Variants in RESF1 observed in about 807,000 individuals in gnomAD.
RESF1 encodes the protein gonad expressed transcript.
In RESF1, 65 loss-of-function variants were observed where a neutral mutation model predicts 134.7. The ratio of observed to expected loss-of-function variants is 0.48; its 90% CI spans 0.40 to 0.59. The LOEUF (loss-of-function observed/expected upper bound fraction) is 0.59, where lower values mean the gene tolerates loss of function less well. Ranked by LOEUF, RESF1 falls within the 20% of genes least tolerant of loss-of-function variation. The pLI, the probability that RESF1 is intolerant of heterozygous loss-of-function variation, is 0.00. For synonymous variants in RESF1, 762 were observed against 702.2 expected, an observed-to-expected ratio of 1.09 and a Z score of -1.35; for missense variants, 2,274 against 2,002.7, an observed-to-expected ratio of 1.14 and a Z score of -2.59.
intron 5 of RESF1, among the ~76,000 whole-genome samples, chr12:31,990,507 G>T (rs1405425882): frequency 1.3e-5 from 2 of 152,158 alleles, no homozygotes; most frequent in Admixed American, 6.6e-5. Flanking sequence ...GAGTGCAGTG[G>T]TGCGACCTAG....
In RESF1 at chr12:31,984,821, T is replaced by G. The variant is rs1400837604; in HGVS notation, c.3866T>G (p.Leu1289Trp). The change falls in exon 4 of 6, where the codon TTG becomes TGG. Residue 1289 changes from leucine to tryptophan, a missense_variant. Physicochemically the swap from Leu to Trp is moderately conservative, Grantham distance 61 (BLOSUM62 -2). Coordinates refer to ENST00000312561, the MANE Select transcript of RESF1 (RefSeq NM_018169.4). ...FSSKCDKLNP[L>W]QNHKRKKLRF... ...TCTAAATGTGATAAACTAAATCCCT[T>G]GCAAAATCACAAAAGAAAAAAATTG... is the stretch of plus-strand genomic sequence containing the variant. 1.2e-6 allele frequency: 2 copies of G among 1,606,074 alleles called. No individual in the cohort carries two copies. Among genetic ancestry groups the G allele is most frequent in the Non-Finnish European group, 8.5e-7 (1 of 1,178,242 alleles).
chr12:31,983,873 C>T lies in RESF1; in HGVS notation c.2918C>T (p.Ser973Leu), dbSNP rs777222290. ...GTTTCACATAAAATATGTGATCAGTCAAAGTCAGAGCCACCCTTAGAGTCA... is the reference window on the plus strand; with the variant it reads ...GTTTCACATAAAATATGTGATCAGTTAAAGTCAGAGCCACCCTTAGAGTCA... ...TDVSHKICDQ[S>L]KSEPPLESSF... is the part of the protein sequence containing the mutation. Residue 973 changes from serine to leucine, a missense_variant, in exon 4 of 6, where the codon TCA (serine) becomes TTA (leucine). Ser to Leu is a moderately radical substitution (Grantham distance 145). Transcript: ENST00000312561. 8 of 1,613,594 alleles carry T rather than the reference C, an allele frequency of 5.0e-6. No homozygotes were observed. The East Asian group carries it at 1.8e-4, about 36-fold the overall frequency.
Position 31,981,410 on chromosome 12 carries a change from T to A in RESF1, c.455T>A (p.Leu152Gln). ...GCTAACGTACCCAATATGCCGGCACTACAGAGTCAACTGATAACATCAGAT... is the reference window on the plus strand; with the variant it reads ...GCTAACGTACCCAATATGCCGGCACAACAGAGTCAACTGATAACATCAGAT... ...FGANVPNMPALQSQLITSDTY... is the reference protein window; with the variant it reads ...FGANVPNMPAQQSQLITSDTY... The change falls in exon 4 of 6, where the codon CTA becomes CAA. Residue 152 changes from leucine to glutamine, a missense_variant. Coordinates refer to ENST00000312561, the MANE Select transcript of RESF1 (RefSeq NM_018169.4). 6.2e-7 allele frequency: 1 copy of A among 1,614,132 alleles called. No homozygotes were observed. The highest frequency in any genetic ancestry group is 1.1e-5 in the South Asian group (1 of 91,078).
rs1184206376 is a variant in RESF1, at chr12:31,992,578, C to G, written c.*43C>G. On this transcript the variant is annotated 3_prime_UTR_variant, in exon 6 of 6. Coordinates refer to ENST00000312561, the MANE Select transcript of RESF1 (RefSeq NM_018169.4). ...GTAATTGCCACTGGGAAATTTCTTT[C>G]CTTTTCTGTTCAAAATATTTCGCTG... 6.4e-7 allele frequency: 1 copy of G among 1,568,810 alleles called. No homozygotes were observed. The highest frequency in any genetic ancestry group is 8.7e-7 in the Non-Finnish European group (1 of 1,145,134).
intron 2 of RESF1, among the ~76,000 whole-genome samples, chr12:31,967,065 C>G (rs1231681350): frequency 6.6e-6 from 1 of 152,162 alleles, no homozygotes; most frequent in Non-Finnish European, 1.5e-5. Context: ...TCTCATCTGC[C>G]TCCTTGGTTT....
chr12:31,982,008 C>T lies in RESF1; in HGVS notation c.1053C>T (p.Asn351=), dbSNP rs763597659. The change falls in exon 4 of 6, where the codon AAC becomes AAT. Residue 351 remains asparagine (N), a synonymous_variant. Transcript: ENST00000312561. ...KVNTNSKQPF[N]SPIRSSVDGV... is the part of the protein sequence containing the mutation. ...ATACCAACAGCAAACAGCCTTTTAA[C>T]AGTCCCATTAGATCTTCTGTGGATG... The T allele has an allele frequency of 1.3e-5, 21 of 1,614,102 alleles. No individual in the cohort carries two copies. Among genetic ancestry groups the T allele is most frequent in the African/African-American group, 2.7e-5 (2 of 75,046 alleles).
chr12:31,974,863 G>A (rs188195962), intron 3 of RESF1, among the ~76,000 whole-genome samples: 6 of 151,644 alleles, frequency 4.0e-5, no homozygotes, highest in East Asian at 1.9e-4. Flanking sequence ...AGTCAAAGTA[G>A]TGAGAGGAAC....
intron 5 of RESF1, among the ~76,000 whole-genome samples, chr12:31,991,527 G>A (rs1040190105): frequency 2.6e-5 from 4 of 152,212 alleles, no homozygotes; most frequent in Non-Finnish European, 4.4e-5. Flanking sequence ...CTTGGCAGTG[G>A]TTTGACTTAG....
intron 5 of RESF1, among the ~76,000 whole-genome samples, chr12:31,991,197 CAA>C (rs34643110): frequency 7.2e-6 from 1 of 139,406 alleles, no homozygotes. Flanking sequence ...GACCCTGTCT[CAA>C]AAAAAAAAAA....
In RESF1 at chr12:31,983,297, C is replaced by T. The variant is rs1442791314; in HGVS notation, c.2342C>T (p.Pro781Leu). 6.2e-7 allele frequency: 1 copy of T among 1,613,720 alleles called. No homozygotes were observed. The highest frequency in any genetic ancestry group is 8.5e-7 in the Non-Finnish European group (1 of 1,179,724). ...VKTLSVKGIT[P>L]AVLPETVYPV... ...ACATTGTCTGTCAAAGGAATAACAC[C>T]TGCAGTGTTACCTGAAACAGTGTAT... The change falls in exon 4 of 6, where the codon CCT (proline) becomes CTT (leucine). Residue 781 changes from proline (P) to leucine (L), a missense_variant. By Grantham distance (98) the Pro-to-Leu change is moderately conservative. Coordinates refer to ENST00000312561, the MANE Select transcript of RESF1 (RefSeq NM_018169.4).
At chr12:31,987,074 T>G in intron 4 of RESF1, 165 bp from the exon 5 acceptor site, 1 of 535,926 alleles carries the variant, frequency 1.9e-6, no homozygotes, top group Non-Finnish European at 3.3e-6. Context: ...GGTAAGCATT[T>G]CAAATAGAAA....
chr12:31,987,410 A>G (rs1337677206), intron 5 of RESF1, 88 bp downstream of exon 5: 6 of 741,512 alleles, frequency 8.1e-6, no homozygotes, highest in Non-Finnish European at 1.3e-5. Context: ...ATTGTAAAGT[A>G]TGATTTTATC....
chr12:31,964,255 C>T (rs56042964), intron 2 of RESF1, among the ~76,000 whole-genome samples: 21,503 of 144,876 alleles, frequency 0.15, 1,685 homozygotes, highest in African/African-American at 0.21. Flanking sequence ...AAGCCTAGTA[C>T]CCAATTAGTT....
At position 31,984,160 on chromosome 12, in the gene RESF1, G is replaced by A; in HGVS notation, c.3205G>A (p.Val1069Met). Residue 1069 changes from valine to methionine, a missense_variant, in exon 4 of 6, where the codon GTG becomes ATG. Val to Met is a conservative substitution (Grantham distance 21). Transcript: ENST00000312561. ...LKEFPYGIEA[V>M]NTREGSVGQQ... is the part of the protein sequence containing the mutation. ...AGAGTTTCCTTATGGCATTGAGGCT[G>A]TGAATACACGTGAAGGTTCTGTGGG... The A allele has an allele frequency of 1.9e-6, 3 of 1,612,342 alleles. No individual in the cohort carries two copies. Among genetic ancestry groups the A allele is most frequent in the South Asian group, 2.2e-5 (2 of 90,792 alleles).
chr12:31,981,524 T>C lies in RESF1; in HGVS notation c.569T>C (p.Phe190Ser), dbSNP rs1939791775. 1 of 1,614,144 alleles carries C rather than the reference T, an allele frequency of 6.2e-7. No homozygotes were observed. Among genetic ancestry groups the C allele is most frequent in the Non-Finnish European group, 8.5e-7 (1 of 1,180,000 alleles). Reference sequence around the variant, plus strand: ...GGAAATCAGGGACTTAACCAGTCTTTTTCAGAGCAACAGGTTGATTGGACA... The same window carrying C: ...GGAAATCAGGGACTTAACCAGTCTTCTTCAGAGCAACAGGTTGATTGGACA... ...YQGNQGLNQS[F>S]SEQQVDWTQQ... The change falls in exon 4 of 6, where the codon TTT (phenylalanine) becomes TCT (serine). Residue 190 changes from phenylalanine (F) to serine (S), a missense_variant. Phe to Ser is a radical substitution (Grantham distance 155). Coordinates refer to ENST00000312561, the MANE Select transcript of RESF1 (RefSeq NM_018169.4).
At chr12:31,959,541 G>A (rs539429200) in intron 1 of RESF1, 50 bp downstream of exon 1, 2 of 152,516 alleles carry the variant, frequency 1.3e-5, no homozygotes, top group South Asian at 4.1e-4. Flanking sequence ...CGGGGTCCGG[G>A]CGGGGCGGGG....
chr12:31,989,450 G>A (rs1468141539), intron 5 of RESF1, among the ~76,000 whole-genome samples: 1 of 148,488 alleles, frequency 6.7e-6, no homozygotes, highest in East Asian at 2.0e-4. Flanking sequence ...CAAAAATGGA[G>A]AGCAGCAGAA....
In RESF1 at chr12:31,984,283, A is replaced by T; in HGVS notation, c.3328A>T (p.Ser1110Cys). ...PADQIQITIL[S>C]SEQMKEIFPE... ...AGATCAAATACAAATTACAATATTA[A>T]GCTCAGAGCAAATGAAAGAAATATT... Residue 1110 changes from serine to cysteine, a missense_variant, in exon 4 of 6, where the codon AGC (serine) becomes TGC (cysteine). Physicochemically the swap from Ser to Cys is moderately radical, Grantham distance 112. Coordinates refer to ENST00000312561, the MANE Select transcript of RESF1 (RefSeq NM_018169.4). The T allele has an allele frequency of 6.2e-7, 1 of 1,613,842 alleles. No homozygotes were observed. The highest frequency in any genetic ancestry group is 8.5e-7 in the Non-Finnish European group (1 of 1,179,952).
In RESF1 at chr12:31,984,244, T is replaced by C. The variant is rs1565486727; in HGVS notation, c.3289T>C (p.Ser1097Pro). 1 of 1,614,028 alleles carries C rather than the reference T, an allele frequency of 6.2e-7. No homozygotes were observed. The highest frequency in any genetic ancestry group is 2.2e-5 in the East Asian group (1 of 44,884). The change falls in exon 4 of 6, where the codon TCC becomes CCC. Residue 1097 changes from serine to proline, a missense_variant. Transcript: ENST00000312561. ...AACTGCTGATAAAACCAGTTCTGAC[T>C]CCAAAGACCCAGCAGATCAAATACA... ...DQTADKTSSD[S>P]KDPADQIQIT... is the part of the protein sequence containing the mutation.
Sources: allele counts gnomAD v4.1 joint callset (sites outside exome capture counted in the v4.1 genomes callset), GRCh38; gene constraint gnomAD v4.1.1; transcripts MANE v1.5; gene names NCBI Gene and HGNC (gene_info 2026-07-23, HGNC 2026-07-21).